NRG3: variants seen among roughly 807,000 people sequenced by gnomAD.
NRG3 encodes the protein pro-neuregulin-3, membrane-bound isoform.
Under a neutral mutation model 66.9 loss-of-function variants are expected in NRG3, and 31 were observed. The observed-to-expected ratio is 0.46, with a 90% CI of 0.35 to 0.63. The LOEUF is 0.63. Ranked by LOEUF, NRG3 falls within the 20% of genes least tolerant of loss-of-function variation. NRG3 has a pLI of 0.00. For synonymous variants in NRG3, 393 were observed against 359.4 expected, an observed-to-expected ratio of 1.09 and a Z score of -1.06; for missense variants, 910 against 878.9, an observed-to-expected ratio of 1.04 and a Z score of -0.45.
intron 1 of NRG3, among the ~76,000 whole-genome samples, chr10:81,949,181 C>G (rs972105234): frequency 6.6e-6 from 1 of 152,088 alleles, no homozygotes; most frequent in Non-Finnish European, 1.5e-5. Flanking sequence ...TGAGCTGATA[C>G]CACATGGCTC....
At chr10:81,900,559 G>A (rs1306760033) in intron 1 of NRG3, among the ~76,000 whole-genome samples, 1 of 152,152 alleles carries the variant, frequency 6.6e-6, no homozygotes, top group Non-Finnish European at 1.5e-5. Flanking sequence ...GGGGTTTTCA[G>A]GTGGACACTG....
intron 3 of NRG3, among the ~76,000 whole-genome samples, chr10:82,811,686 G>T (rs1286014015): frequency 6.6e-6 from 1 of 152,182 alleles, no homozygotes; most frequent in Non-Finnish European, 1.5e-5. Flanking sequence ...GATCCTTAGA[G>T]ATAAAGCAAA....
At chr10:82,576,513 A>AG (rs1312832685) in intron 2 of NRG3, among the ~76,000 whole-genome samples, 1 of 151,756 alleles carries the variant, frequency 6.6e-6, no homozygotes, top group African/African-American at 2.4e-5. Flanking sequence ...CCCTGAGGAA[A>AG]GGAACACAAA....
chr10:82,630,821 A>G (rs1387522372), intron 2 of NRG3, among the ~76,000 whole-genome samples: 1 of 152,234 alleles, frequency 6.6e-6, no homozygotes, highest in Non-Finnish European at 1.5e-5. Context: ...ATAGATACAC[A>G]TTAACTTATT....
At chr10:82,730,707 A>G (rs772617047) in intron 2 of NRG3, among the ~76,000 whole-genome samples, 19 of 152,202 alleles carry the variant, frequency 1.2e-4, no homozygotes, top group Non-Finnish European at 2.6e-4. Context: ...AAGAATTATT[A>G]ATTAAATTCT....
chr10:82,440,230 T>C (rs1165563658), intron 2 of NRG3, among the ~76,000 whole-genome samples: 6 of 151,998 alleles, frequency 3.9e-5, no homozygotes, highest in Non-Finnish European at 8.8e-5. Context: ...ATTACCAAAT[T>C]TGCCCATATT....
At chr10:82,112,653 G>A (rs1306362575) in intron 1 of NRG3, among the ~76,000 whole-genome samples, 3 of 152,116 alleles carry the variant, frequency 2.0e-5, no homozygotes, top group Non-Finnish European at 4.4e-5. Context: ...AATGAATTAT[G>A]ACACATCTAT....
intron 2 of NRG3, among the ~76,000 whole-genome samples, chr10:82,442,977 G>A (rs1341298095): frequency 6.6e-6 from 1 of 151,802 alleles, no homozygotes; most frequent in Non-Finnish European, 1.5e-5. Flanking sequence ...ACAGCCGCTA[G>A]AATAATAAAT....
chr10:82,049,098 A>G (rs1247667917), intron 1 of NRG3, among the ~76,000 whole-genome samples: 3 of 152,104 alleles, frequency 2.0e-5, no homozygotes, highest in Non-Finnish European at 4.4e-5. Flanking sequence ...ATGTTATTCA[A>G]AGTTCATCTG....
chr10:82,252,176 T>A (rs2077516277), intron 1 of NRG3, among the ~76,000 whole-genome samples: 2 of 152,206 alleles, frequency 1.3e-5, no homozygotes, highest in African/African-American at 4.8e-5. Context: ...ATCACAGAGT[T>A]CTTGCTGAAA....
chr10:82,207,488 A>G (rs1324713527), intron 1 of NRG3, among the ~76,000 whole-genome samples: 1 of 152,160 alleles, frequency 6.6e-6, no homozygotes, highest in Non-Finnish European at 1.5e-5. Context: ...ACACATGTAA[A>G]GTGTTTATAA....
chr10:82,375,481 G>A (rs1236043477), intron 2 of NRG3, among the ~76,000 whole-genome samples: 2 of 151,092 alleles, frequency 1.3e-5, no homozygotes, highest in Non-Finnish European at 2.9e-5. Flanking sequence ...AGCTTGCAGT[G>A]AGCTGAGATC....
chr10:82,523,993 A>G (rs1846447988), intron 2 of NRG3, among the ~76,000 whole-genome samples: 1 of 152,086 alleles, frequency 6.6e-6, no homozygotes, highest in Non-Finnish European at 1.5e-5. Flanking sequence ...GTTTTCCCTT[A>G]AAGTTGTTAC....
At chr10:82,761,796 A>G (rs2059312794) in intron 3 of NRG3, among the ~76,000 whole-genome samples, 1 of 151,796 alleles carries the variant, frequency 6.6e-6, no homozygotes, top group African/African-American at 2.4e-5. Context: ...TTTCAAAATA[A>G]AAAAATTAAG....
At chr10:82,458,485 G>A (rs1346343431) in intron 2 of NRG3, among the ~76,000 whole-genome samples, 1 of 152,100 alleles carries the variant, frequency 6.6e-6, no homozygotes, top group African/African-American at 2.4e-5. Flanking sequence ...AGAGCATAAA[G>A]ACACTGACAA....
chr10:82,811,508 C>T (rs1242578709), intron 3 of NRG3, among the ~76,000 whole-genome samples: 1 of 152,140 alleles, frequency 6.6e-6, no homozygotes, highest in African/African-American at 2.4e-5. Flanking sequence ...TTAGAGCTAC[C>T]TTCCTATTAG....
At chr10:82,479,501 GAAAA>G (rs35318145) in intron 2 of NRG3, among the ~76,000 whole-genome samples, 1 of 136,896 alleles carries the variant, frequency 7.3e-6, no homozygotes, top group African/African-American at 2.8e-5. Context: ...GAGTTGGAGG[GAAAA>G]AAAAAAAAAC....
chr10:82,658,219 T>A (rs1304760228), intron 2 of NRG3, among the ~76,000 whole-genome samples: 2 of 152,156 alleles, frequency 1.3e-5, no homozygotes, highest in African/African-American at 4.8e-5. Flanking sequence ...AAACAAGTAT[T>A]TATCTTAGAG....
At chr10:82,219,837 G>A (rs1374482420) in intron 1 of NRG3, among the ~76,000 whole-genome samples, 1 of 151,846 alleles carries the variant, frequency 6.6e-6, no homozygotes, top group African/African-American at 2.4e-5. Context: ...TGTATTTCCT[G>A]GCAAATTTCA....
Sources: allele counts gnomAD v4.1 joint callset (sites outside exome capture counted in the v4.1 genomes callset), GRCh38; gene constraint gnomAD v4.1.1; transcripts MANE v1.5; gene names NCBI Gene and HGNC (gene_info 2026-07-23, HGNC 2026-07-21).